The following FAT1 variants were observed in gnomAD, a reference collection of about 807,000 sequenced individuals.
FAT1 encodes the protein FAT atypical cadherin 1, also known as protocadherin Fat 1.
Under a neutral mutation model 329.8 loss-of-function variants are expected in FAT1, and 171 were observed. That is an observed-to-expected ratio of 0.52 (90% CI 0.46 to 0.59). The LOEUF (loss-of-function observed/expected upper bound fraction) is 0.59. Ranked by LOEUF, FAT1 falls within the 20% of genes least tolerant of loss-of-function variation. The pLI is 0.00. For missense variants in FAT1, 5,672 were observed against 5,774.4 expected, an observed-to-expected ratio of 0.98 and a Z score of 0.57; for synonymous variants, 2,233 against 2,228.6, an observed-to-expected ratio of 1.00 and a Z score of -0.06.
intron 3 of FAT1, among the ~76,000 whole-genome samples, chr4:186,660,276 A>G (rs1008643024): frequency 2.0e-5 from 3 of 152,160 alleles, no homozygotes; most frequent in Admixed American, 6.5e-5. Flanking sequence ...AAGACGAGGC[A>G]TGTGTACTTC....
At chr4:186,704,581 C>A (rs1416509941) in intron 2 of FAT1, among the ~76,000 whole-genome samples, 3 of 152,178 alleles carry the variant, frequency 2.0e-5, no homozygotes, top group East Asian at 1.9e-4. Context: ...GCTTTTGAAA[C>A]CTACTTTGGA....
chr4:186,667,631 G>A (rs761552950), intron 2 of FAT1, among the ~76,000 whole-genome samples: 11 of 152,300 alleles, frequency 7.2e-5, no homozygotes, highest in Middle Eastern at 3.4e-3. Context: ...AGGGCACACC[G>A]AAGAATCTTA....
In FAT1 at chr4:186,587,892, T is replaced by C. The variant is rs1738031712; in HGVS notation, c.*700A>G. 4.6e-6 allele frequency: 1 copy of C among 216,568 alleles called. No individual in the cohort carries two copies. The highest frequency in any genetic ancestry group is 5.8e-5 in the Admixed American group (1 of 17,240). 13.4% of individuals were successfully genotyped at this position (216,568 alleles called of 1,614,324 possible). A position where few individuals can be genotyped will look rare whatever the true frequency, so the allele number is the denominator to read the frequency against. On this transcript the variant is annotated 3_prime_UTR_variant, in exon 27 of 27. Transcript: ENST00000441802. ...CATTGCATCACAAATATACAGACACTATAAAAACTGTGTCATGGTGGTTTT... is the reference window on the plus strand; with the variant it reads ...CATTGCATCACAAATATACAGACACCATAAAAACTGTGTCATGGTGGTTTT...
chr4:186,665,912 C>T (rs972290171), intron 2 of FAT1, among the ~76,000 whole-genome samples: 7 of 151,814 alleles, frequency 4.6e-5, no homozygotes, highest in African/African-American at 9.7e-5. Context: ...TGGAAACCAT[C>T]GTTCTCAGCA....
Position 186,672,361 on chromosome 4 carries a change from G to A in FAT1, c.3266-8748C>T, listed in dbSNP as rs142448377. On this transcript the variant is annotated intron_variant, in intron 2 of 26. Coordinates refer to ENST00000441802, the MANE Select transcript of FAT1 (RefSeq NM_005245.4). The stretch of plus-strand genomic sequence containing the variant: ...CTGCTAGGCAGTATACTAGTGTACC[G>A]TACAGGTGCCTCTCTGCCCCCTTAC... Among the ~76,000 whole-genome samples the A allele has an allele frequency of 1.6e-4, 24 of 152,264 alleles. No individual in the cohort carries two copies. The East Asian group carries it at 2.1e-3, about 13-fold the overall frequency.
intron 9 of FAT1, among the ~76,000 whole-genome samples, chr4:186,622,504 C>A (rs1740093472): frequency 6.6e-6 from 1 of 152,168 alleles, no homozygotes; most frequent in Non-Finnish European, 1.5e-5. Flanking sequence ...CTACAACGCA[C>A]AGGACAGCCC....
intron 4 of FAT1, among the ~76,000 whole-genome samples, chr4:186,637,613 A>T (rs962822179): frequency 6.6e-6 from 1 of 152,228 alleles, no homozygotes; most frequent in Non-Finnish European, 1.5e-5. Flanking sequence ...AATATCAGAG[A>T]GTCTTGAGGA....
At chr4:186,721,880 C>T (rs1192680057) in intron 1 of FAT1, among the ~76,000 whole-genome samples, 1 of 151,820 alleles carries the variant, frequency 6.6e-6, no homozygotes, top group Non-Finnish European at 1.5e-5. Flanking sequence ...TTTTTTTTCC[C>T]CAGGCTGAAT....
chr4:186,604,597 T>G (rs1320311563), intron 17 of FAT1, 23 bp from the exon 18 acceptor site: 2 of 1,562,914 alleles, frequency 1.3e-6, no homozygotes, highest in South Asian at 2.4e-5. Context: ...AGAAACAAAA[T>G]TAAACAAAAA....
intron 2 of FAT1, among the ~76,000 whole-genome samples, chr4:186,703,676 G>T (rs1470287449): frequency 1.3e-5 from 2 of 152,222 alleles, no homozygotes; most frequent in African/African-American, 4.8e-5. Context: ...TGGTGGACAT[G>T]GGCAATGGGC....
chr4:186,628,374 AT>A lies in FAT1; in HGVS notation c.4600-11del, dbSNP rs778307204. On this transcript the variant is annotated splice_polypyrimidine_tract_variant and intron_variant, in intron 8 of 26. Coordinates refer to ENST00000441802, the MANE Select transcript of FAT1 (RefSeq NM_005245.4). The stretch of plus-strand genomic sequence containing the variant: ...CATCTTGATCTCGTACCTAAAAAGA[AT>A]TGACACATTATCAATCCCATTGGTG... 1 of 1,611,662 alleles carries A rather than the reference AT, an allele frequency of 6.2e-7. No individual in the cohort carries two copies. Among genetic ancestry groups the A allele is most frequent in the Admixed American group, 1.7e-5 (1 of 59,692 alleles).
chr4:186,589,360 T>C, intron 26 of FAT1, 140 bp from the exon 27 acceptor site: 1 of 979,014 alleles, frequency 1.0e-6, no homozygotes, highest in South Asian at 1.7e-5. Flanking sequence ...AAATTCCTCG[T>C]CTTTGCTTTG....
intron 6 of FAT1, among the ~76,000 whole-genome samples, chr4:186,635,626 A>C (rs1344561045): frequency 1.3e-5 from 2 of 152,212 alleles, no homozygotes; most frequent in East Asian, 1.9e-4. Context: ...TAAATGTTCC[A>C]ATCATATTCA....
chr4:186,723,834 C>G lies in FAT1; in HGVS notation c.-189G>C, dbSNP rs1192427279. On this transcript the variant is annotated 5_prime_UTR_variant, in exon 1 of 27. Coordinates refer to ENST00000441802, the MANE Select transcript of FAT1 (RefSeq NM_005245.4). ...CCTCTCCCCGCGCCCGGCCGCCCAG[C>G]TCGGCGCCGGCGCCTCACGCTCCCC... The G allele has an allele frequency of 1.3e-5, 2 of 150,114 alleles. No individual in the cohort carries two copies. Among genetic ancestry groups the G allele is most frequent in the Non-Finnish European group, 3.0e-5 (2 of 67,502 alleles). The allele number at this position is 150,114 out of a possible 1,614,324, so 9.3% of individuals were successfully genotyped here. A position where few individuals can be genotyped will look rare whatever the true frequency, so the allele number is the denominator to read the frequency against.
Position 186,709,536 on chromosome 4 carries a change from T to C in FAT1, c.292A>G (p.Ile98Val), listed in dbSNP as rs1469747288. ...GCTGTATTTCCTCCTTTGGTCCTTA[T>C]TCTTAGAAAGCAAAAGTCTCCGAGA... ...YILGDFCFLR[I>V]RTKGGNTAIL... Residue 98 changes from isoleucine to valine, a missense_variant, in exon 2 of 27, where the codon ATA becomes GTA. Ile to Val is a conservative substitution (Grantham distance 29). Transcript: ENST00000441802. 1 of 1,614,042 alleles carries C rather than the reference T, an allele frequency of 6.2e-7. No individual in the cohort carries two copies. Among genetic ancestry groups the C allele is most frequent in the South Asian group, 1.1e-5 (1 of 91,082 alleles).
At chr4:186,666,306 C>T (rs1214150677) in intron 2 of FAT1, among the ~76,000 whole-genome samples, 1 of 152,150 alleles carries the variant, frequency 6.6e-6, no homozygotes, top group East Asian at 1.9e-4. Flanking sequence ...TGTTCTCTAA[C>T]CCAAGCATAA....
In FAT1 at chr4:186,603,572, G is replaced by A. The variant is rs2126430109; in HGVS notation, c.10954C>T (p.Pro3652Ser). The A allele has an allele frequency of 6.2e-7, 1 of 1,613,988 alleles. No homozygotes were observed. Among genetic ancestry groups the A allele is most frequent in the Non-Finnish European group, 8.5e-7 (1 of 1,179,890 alleles). ...TIAIRFANLT[P>S]EEFVGDYWRN... ...CAGTAGTCACCAACGAATTCTTCCGGAGTGAGGTTGGCAAAGCGGATCGCG... is the reference window on the plus strand; with the variant it reads ...CAGTAGTCACCAACGAATTCTTCCGAAGTGAGGTTGGCAAAGCGGATCGCG... The change falls in exon 19 of 27, where the codon CCG becomes TCG. Residue 3652 changes from proline to serine, a missense_variant. By Grantham distance (74) the Pro-to-Ser change is moderately conservative. Coordinates refer to ENST00000441802, the MANE Select transcript of FAT1 (RefSeq NM_005245.4).
chr4:186,681,493 C>A (rs985066690), intron 2 of FAT1, among the ~76,000 whole-genome samples: 3 of 152,130 alleles, frequency 2.0e-5, no homozygotes, highest in African/African-American at 7.2e-5. Flanking sequence ...ATGATGGAAG[C>A]GGTGTTCGGA....
Position 186,602,903 on chromosome 4 carries a change from C to G in FAT1, c.11482G>C (p.Gly3828Arg), listed in dbSNP as rs35310664. The G allele has an allele frequency of 6.2e-7, 1 of 1,613,708 alleles. No homozygotes were observed. The highest frequency in any genetic ancestry group is 8.5e-7 in the Non-Finnish European group (1 of 1,179,718). ...CPSGRFGQCP[G>R]SSSMTLTGNS... The stretch of plus-strand genomic sequence containing the variant: ...GTATACCCAACCATTCAACTCTCAC[C>G]TGGGCACTGACCAAACCTGCCGCTG... The change falls in exon 20 of 27, where the codon GGG becomes CGG. Residue 3828 changes from glycine (G) to arginine (R), a missense_variant and splice_region_variant. This residue lies in a region of FAT1 where 1,706 missense variants were observed against 1,859.1 expected (regional missense o/e 0.92). Coordinates refer to ENST00000441802, the MANE Select transcript of FAT1 (RefSeq NM_005245.4).
Sources: gnomAD v4.1 joint callset for allele counts (sites outside exome capture counted in the v4.1 genomes callset) on GRCh38, gnomAD v4.1.1 for gene constraint, gnomAD v4.1.1 regional missense constraint, MANE v1.5 for transcripts, NCBI Gene and HGNC (gene_info 2026-07-23, HGNC 2026-07-21) for gene names.